The following BAIAP2 variants were observed in gnomAD, a reference collection of about 807,000 sequenced individuals.
BAIAP2 encodes BAR/IMD domain containing adaptor protein 2.
Under a neutral mutation model 63.0 loss-of-function variants are expected in BAIAP2, and 18 were observed. The ratio of observed to expected loss-of-function variants is 0.29; its 90% CI spans 0.20 to 0.42. The LOEUF is 0.42. BAIAP2 is among the 10% of genes least tolerant of loss of function. The pLI, the probability that BAIAP2 is intolerant of heterozygous loss-of-function variation, is 1.00. For synonymous variants in BAIAP2, 386 were observed against 307.6 expected (o/e 1.25, Z -2.67); for missense variants, 610 against 734.3 (o/e 0.83, Z 1.96).
chr17:81,057,652 C>A (rs571419595), intron 2 of BAIAP2: 2 of 1,319,654 alleles, frequency 1.5e-6, no homozygotes, highest in Admixed American at 3.8e-5. Flanking sequence ...TGAACTGGTA[C>A]GTTGTGTTCT....
chr17:81,079,548 C>G (rs11656238), intron 3 of BAIAP2, among the ~76,000 whole-genome samples: 2 of 151,886 alleles, frequency 1.3e-5, no homozygotes, highest in African/African-American at 4.8e-5. Flanking sequence ...CCCAGCATCC[C>G]TAGGCAGCCC....
chr17:81,103,376 A>AG (rs2058744327), intron 7 of BAIAP2, 126 bp from the exon 8 acceptor site: 1 of 904,788 alleles, frequency 1.1e-6, no homozygotes, highest in Admixed American at 2.8e-5. Flanking sequence ...TCTCGCCGAG[A>AG]GGTACCACCT....
intron 6 of BAIAP2, among the ~76,000 whole-genome samples, chr17:81,088,492 A>G (rs552225445): frequency 2.0e-4 from 30 of 152,232 alleles, no homozygotes; most frequent in African/African-American, 7.0e-4. Context: ...GTTTTAGAGC[A>G]TTTTTCAATC....
intron 13 of BAIAP2, among the ~76,000 whole-genome samples, chr17:81,115,118 T>C (rs1429182040): frequency 6.6e-6 from 1 of 152,200 alleles, no homozygotes; most frequent in East Asian, 1.9e-4. Flanking sequence ...TTGAGTCGTA[T>C]TTGTGCATCA....
chr17:81,052,380 G>A (rs1408472902), intron 1 of BAIAP2, among the ~76,000 whole-genome samples: 2 of 152,238 alleles, frequency 1.3e-5, no homozygotes, highest in African/African-American at 4.8e-5. Context: ...CCCCGTGCAC[G>A]TGGCCTCTGG....
chr17:81,091,530 G>A (rs1341282064), intron 6 of BAIAP2, among the ~76,000 whole-genome samples: 1 of 152,180 alleles, frequency 6.6e-6, no homozygotes, highest in Non-Finnish European at 1.5e-5. Context: ...TCTTCTAGCT[G>A]TCTCCAGTGT....
intron 1 of BAIAP2, among the ~76,000 whole-genome samples, chr17:81,043,737 G>A (rs976273504): frequency 2.0e-5 from 3 of 152,192 alleles, no homozygotes; most frequent in Non-Finnish European, 2.9e-5. Flanking sequence ...GGGGATCCTC[G>A]GTTCAGGGAG....
intron 3 of BAIAP2, among the ~76,000 whole-genome samples, chr17:81,066,779 C>T (rs1294604777): frequency 6.6e-6 from 1 of 152,222 alleles, no homozygotes; most frequent in African/African-American, 2.4e-5. Flanking sequence ...TGTGTCACGG[C>T]CCCTCTGGGC....
intron 3 of BAIAP2, among the ~76,000 whole-genome samples, chr17:81,068,339 G>T (rs2051896596): frequency 6.6e-6 from 1 of 152,242 alleles, no homozygotes; most frequent in Non-Finnish European, 1.5e-5. Context: ...CATGGCAGGG[G>T]TCTCCCCCTC....
chr17:81,072,775 T>C (rs927708406), intron 3 of BAIAP2, among the ~76,000 whole-genome samples: 7 of 151,562 alleles, frequency 4.6e-5, no homozygotes, highest in Admixed American at 3.3e-4. Flanking sequence ...TGCTTGGAGG[T>C]GGGTGTATGA....
chr17:81,081,101 G>A (rs1290506663), intron 3 of BAIAP2, among the ~76,000 whole-genome samples: 1 of 152,232 alleles, frequency 6.6e-6, no homozygotes, highest in Non-Finnish European at 1.5e-5. Context: ...CAACTCGGCT[G>A]AAGCCAGTTC....
intron 6 of BAIAP2, among the ~76,000 whole-genome samples, chr17:81,095,613 G>A (rs1275371605): frequency 6.6e-6 from 1 of 152,142 alleles, no homozygotes; most frequent in South Asian, 2.1e-4. Context: ...TCATGTGGGG[G>A]CTCCAAGGCA....
intron 3 of BAIAP2, among the ~76,000 whole-genome samples, chr17:81,069,625 G>A (rs1030520863): frequency 2.0e-5 from 3 of 152,198 alleles, no homozygotes; most frequent in African/African-American, 7.2e-5. Context: ...TGTAGTCTGC[G>A]AGGCCCCTGG....
At chr17:81,096,994 AGGCAGC>A (rs998822910) in intron 6 of BAIAP2, among the ~76,000 whole-genome samples, 1 of 152,164 alleles carries the variant, frequency 6.6e-6, no homozygotes, top group African/African-American at 2.4e-5. Context: ...GAGGAGGAGG[AGGCAGC>A]GGCAGTGGGG....
chr17:81,057,755 A>C (rs1420147229), intron 2 of BAIAP2, 126 bp from the exon 3 acceptor site: 12 of 1,416,732 alleles, frequency 8.5e-6, no homozygotes, highest in Non-Finnish European at 1.1e-5. Flanking sequence ...CGAGTCGAGT[A>C]TTCTCCCAGC....
intron 3 of BAIAP2, among the ~76,000 whole-genome samples, chr17:81,059,136 GC>G (rs1488125593): frequency 6.6e-6 from 1 of 151,466 alleles, no homozygotes; most frequent in Non-Finnish European, 1.5e-5. Context: ...CCCCCCCCAC[GC>G]CCCCACAGGC....
At chr17:81,066,083 CA>C (rs2051407615) in intron 3 of BAIAP2, among the ~76,000 whole-genome samples, 1 of 152,260 alleles carries the variant, frequency 6.6e-6, no homozygotes, top group African/African-American at 2.4e-5. Context: ...GTGGCCCTGC[CA>C]CGGAACACCT....
chr17:81,078,268 G>A (rs540369832), intron 3 of BAIAP2, among the ~76,000 whole-genome samples: 19 of 126,066 alleles, frequency 1.5e-4, no homozygotes, highest in African/African-American at 4.5e-4. Context: ...GGAGCCAGGC[G>A]CTGTGGGTGC....
In BAIAP2 at chr17:81,095,441, C is replaced by T. The variant is rs569418245; in HGVS notation, c.490-4487C>T. Among the ~76,000 whole-genome samples, 3 of 152,328 alleles carry T rather than the reference C, an allele frequency of 2.0e-5. No individual in the cohort carries two copies. The South Asian group carries it at 6.2e-4, about 32-fold the overall frequency. On this transcript the variant is annotated intron_variant, in intron 6 of 13. Transcript: ENST00000428708. The stretch of plus-strand genomic sequence containing the variant: ...ACCGGCCCCTTGTGTGGTGAAGCTC[C>T]TGCCTGGCCTAGATTTCCAGGATCT...
Sources: gnomAD v4.1 joint callset for allele counts (sites outside exome capture counted in the v4.1 genomes callset) on GRCh38, gnomAD v4.1.1 for gene constraint, MANE v1.5 for transcripts, NCBI Gene and HGNC (gene_info 2026-07-23, HGNC 2026-07-21) for gene names.